Variants in ANKFN1 observed in about 807,000 individuals in gnomAD.
The protein encoded by ANKFN1 is ankyrin repeat and fibronectin type-III domain-containing protein 1.
A neutral mutation model predicts 108.7 loss-of-function variants in ANKFN1; 74 were observed. That is an observed-to-expected ratio of 0.68 (90% confidence interval 0.56 to 0.83). ANKFN1 has a LOEUF of 0.83. ANKFN1 is among the 40% of genes least tolerant of loss of function. The pLI, the probability that ANKFN1 is intolerant of heterozygous loss-of-function variation, is 0.00. For synonymous variants in ANKFN1, 547 were observed against 516.2 expected (o/e 1.06, Z -0.81); for missense variants, 1,505 against 1,382.3 (o/e 1.09, Z -1.41).
At chr17:56,329,697 C>T (rs1014836320) in intron 4 of ANKFN1, among the ~76,000 whole-genome samples, 6 of 152,234 alleles carry the variant, frequency 3.9e-5, no homozygotes, top group African/African-American at 9.6e-5. Flanking sequence ...GGATTCAATA[C>T]GTTGATACAT....
chr17:56,229,506 G>T (rs1283979511), intron 3 of ANKFN1, among the ~76,000 whole-genome samples: 1 of 151,674 alleles, frequency 6.6e-6, no homozygotes, highest in Non-Finnish European at 1.5e-5. Flanking sequence ...GTTAAATACC[G>T]AAAGATACTT....
intron 4 of ANKFN1, among the ~76,000 whole-genome samples, chr17:56,072,161 G>A (rs544468361): frequency 6.6e-6 from 1 of 152,186 alleles, no homozygotes; most frequent in African/African-American, 2.4e-5. Context: ...TCTCTGTATT[G>A]GTAGTTATAT....
chr17:56,335,381 C>T (rs2045778587), intron 4 of ANKFN1, among the ~76,000 whole-genome samples: 1 of 152,066 alleles, frequency 6.6e-6, no homozygotes, highest in East Asian at 1.9e-4. Context: ...TGTTTCTGTC[C>T]TCCTTTATTT....
rs2046233689 is a variant in ANKFN1, at chr17:56,350,974, A to T, written c.390+7A>T. 1 of 1,612,388 alleles carries T rather than the reference A, an allele frequency of 6.2e-7. No individual in the cohort carries two copies. Among genetic ancestry groups the T allele is most frequent in the South Asian group, 1.1e-5 (1 of 90,940 alleles). On this transcript the variant is annotated splice_region_variant and intron_variant, in intron 5 of 20. Coordinates refer to ENST00000682825, the MANE Select transcript of ANKFN1 (RefSeq NM_001370326.1). ...TCTCAGGAAGACCTCGGTGGTAACA[A>T]AACTGTTTTTATTCTTGTGTCAGTT... is the stretch of plus-strand genomic sequence containing the variant.
intron 1 of ANKFN1, among the ~76,000 whole-genome samples, chr17:56,210,975 C>A (rs1286032703): frequency 3.9e-5 from 6 of 152,044 alleles, no homozygotes; most frequent in Non-Finnish European, 8.8e-5. Context: ...AGAGCCAAAC[C>A]ATATCACTTA....
chr17:56,467,729 GAGAAAGAAAGAAACAAAGAAAGAAAGAA>G lies in ANKFN1; in HGVS notation c.1773+1172_1773+1199del, dbSNP rs1568025701. Among the ~76,000 whole-genome samples the G allele has an allele frequency of 1.2e-4, 14 of 121,638 alleles. No individual in the cohort carries two copies. The East Asian group carries it at 2.7e-3, about 23-fold the overall frequency. 79.8% of individuals were successfully genotyped at this position (121,638 alleles called of 152,430 possible). ...AGAAAGAGAGAGAAAGAAAGAAAGA[GAGAAAGAAAGAAACAAAGAAAGAAAGAA>G]AGAAAGAAAGAAAGAAAGAAAGAAA... On this transcript the variant is annotated intron_variant, in intron 15 of 20. Transcript: ENST00000682825.
chr17:56,363,139 G>A (rs994021850), intron 6 of ANKFN1, among the ~76,000 whole-genome samples: 2 of 152,030 alleles, frequency 1.3e-5, no homozygotes, highest in East Asian at 1.9e-4. Flanking sequence ...CAGGAGAATC[G>A]CTTGAACACG....
chr17:56,354,000 C>A lies in ANKFN1; in HGVS notation c.555C>A (p.Pro185=), dbSNP rs1349086383. 1 of 1,613,982 alleles carries A rather than the reference C, an allele frequency of 6.2e-7. No homozygotes were observed. Among genetic ancestry groups the A allele is most frequent in the Non-Finnish European group, 8.5e-7 (1 of 1,179,962 alleles). ...LDIAIMTNNV[P]IARILLRTGA... ...TTGCCATCATGACCAACAATGTGCC[C>A]ATTGCAAGGATTCTTCTGAGGACAG... The change falls in exon 6 of 21, where the codon CCC becomes CCA. Residue 185 remains proline, a synonymous_variant. Transcript: ENST00000682825.
At chr17:56,370,936 G>T (rs778950112) in intron 6 of ANKFN1, among the ~76,000 whole-genome samples, 1 of 122,064 alleles carries the variant, frequency 8.2e-6, no homozygotes, top group Non-Finnish European at 1.8e-5. Context: ...GTGCGCCCGC[G>T]TGTGTGTATG....
chr17:56,434,699 G>A (rs1018226683), intron 8 of ANKFN1, among the ~76,000 whole-genome samples: 1 of 152,094 alleles, frequency 6.6e-6, no homozygotes, highest in Admixed American at 6.6e-5. Context: ...AGTGTTGAGC[G>A]GGTTCATGCT....
chr17:56,370,006 C>G (rs1006953502), intron 6 of ANKFN1, among the ~76,000 whole-genome samples: 1 of 152,124 alleles, frequency 6.6e-6, no homozygotes, highest in African/African-American at 2.4e-5. Context: ...AAATAATATG[C>G]TTAATCAAAA....
chr17:56,057,103 A>C (rs1234277652), intron 4 of ANKFN1, among the ~76,000 whole-genome samples: 1 of 152,234 alleles, frequency 6.6e-6, no homozygotes, highest in African/African-American at 2.4e-5. Context: ...TGCATAAGAA[A>C]CAACTCCTCA....
chr17:56,150,835 C>T (rs1034762074), upstream of ANKFN1, among the ~76,000 whole-genome samples: 3 of 143,698 alleles, frequency 2.1e-5, no homozygotes, highest in African/African-American at 7.9e-5. Context: ...AGGGAGATAT[C>T]AGTGACATTG....
intron 4 of ANKFN1, among the ~76,000 whole-genome samples, chr17:56,081,818 C>T (rs749037497): frequency 2.0e-5 from 3 of 152,216 alleles, no homozygotes; most frequent in Non-Finnish European, 4.4e-5. Context: ...GAGTTGTACA[C>T]ATACTCACCT....
chr17:56,164,364 G>A (rs1380149198), intron 1 of ANKFN1, among the ~76,000 whole-genome samples: 1 of 151,958 alleles, frequency 6.6e-6, no homozygotes, highest in African/African-American at 2.4e-5. Context: ...GCCATAGTTC[G>A]CTGCCCATCT....
chr17:56,426,105 T>C (rs2048559335), intron 8 of ANKFN1, among the ~76,000 whole-genome samples: 1 of 152,252 alleles, frequency 6.6e-6, no homozygotes, highest in Non-Finnish European at 1.5e-5. Context: ...GAAGCTATTA[T>C]GTATATTTCC....
intron 1 of ANKFN1, among the ~76,000 whole-genome samples, chr17:56,179,064 T>G (rs1001929403): frequency 3.9e-5 from 6 of 152,208 alleles, no homozygotes; most frequent in African/African-American, 4.8e-5. Flanking sequence ...TGTGTATTAA[T>G]GTAGCCAGCC....
chr17:56,260,387 T>C (rs1371343626), intron 3 of ANKFN1, among the ~76,000 whole-genome samples: 1 of 152,036 alleles, frequency 6.6e-6, no homozygotes, highest in African/African-American at 2.4e-5. Context: ...CCTTTTCTAA[T>C]GTTATTAAAA....
chr17:56,349,245 G>A (rs1395058078), intron 4 of ANKFN1, among the ~76,000 whole-genome samples: 1 of 152,104 alleles, frequency 6.6e-6, no homozygotes, highest in Non-Finnish European at 1.5e-5. Context: ...GGGCTGGGAA[G>A]AGGGAGAGCA....
Sources: allele counts gnomAD v4.1 joint callset (sites outside exome capture counted in the v4.1 genomes callset), GRCh38; gene constraint gnomAD v4.1.1; transcripts MANE v1.5; gene names NCBI Gene and HGNC (gene_info 2026-07-23, HGNC 2026-07-21).